Variants in KLF15 observed in about 807,000 individuals in gnomAD.
KLF15 encodes Krueppel-like factor 15.
In KLF15, 4 loss-of-function variants were observed where a neutral mutation model predicts 24.6. That is an observed-to-expected ratio of 0.16 (90% CI 0.08 to 0.37). The LOEUF is 0.37. Among genes scored for constraint, KLF15 ranks in the 10% least tolerant of loss-of-function variants. KLF15 has a pLI of 1.00. For synonymous variants in KLF15, 246 were observed against 236.3 expected (o/e 1.04, Z -0.37); for missense variants, 496 against 560.6 (o/e 0.88, Z 1.16).
chr3:126,299,782 C>A, the KLF15 span, among the ~76,000 whole-genome samples: 2 of 148,958 alleles, frequency 1.3e-5, no homozygotes, highest in African/African-American at 2.5e-5. Context: ...AAGGAGATGA[C>A]CACCCTGACA....
In KLF15 at chr3:126,352,280, C is replaced by T; in HGVS notation, c.643G>A (p.Gly215Ser). The T allele has an allele frequency of 1.9e-6, 3 of 1,541,990 alleles. No homozygotes were observed. Among genetic ancestry groups the T allele is most frequent in the Non-Finnish European group, 2.6e-6 (3 of 1,147,578 alleles). ...QGPGGGPTPD[G>S]PIPVLLQIQP... ...ATCTGCAGCAACACTGGGATGGGGC[C>T]ATCAGGCGTGGGGCCCCCACCTGGG... The change falls in exon 2 of 3, where the codon GGC (glycine) becomes AGC (serine). Residue 215 changes from glycine to serine, a missense_variant. Around this residue, in one of 3 missense-constraint regions of KLF15, gnomAD observed 399 missense variants for 423.1 expected, o/e 0.94. Coordinates refer to ENST00000296233, the MANE Select transcript of KLF15 (RefSeq NM_014079.4).
At chr3:126,338,261 G>T (rs983896817), downstream of KLF15, among the ~76,000 whole-genome samples, 2 of 152,212 alleles carry the variant, frequency 1.3e-5, no homozygotes, top group African/African-American at 4.8e-5. Flanking sequence ...TGGCACCAGG[G>T]TGTCCTCTGA....
rs2082636059 is a variant in KLF15, at chr3:126,356,800, C to T, written c.-26+437G>A. Among the ~76,000 whole-genome samples, 1 of 151,852 alleles carries T rather than the reference C, an allele frequency of 6.6e-6. No homozygotes were observed. Among genetic ancestry groups the T allele is most frequent in the Non-Finnish European group, 1.5e-5 (1 of 67,910 alleles). On this transcript the variant is annotated intron_variant, in intron 1 of 2. Transcript: ENST00000296233. The surrounding 1 kb of genome is among the most constrained non-coding windows in gnomAD (Gnocchi z 4.4). ...GGGCACCATGCCCTCGTCCCACGCCCCCCCCTTGCCCCCGACACTGCTGCG... is the reference window on the plus strand; with the variant it reads ...GGGCACCATGCCCTCGTCCCACGCCTCCCCCTTGCCCCCGACACTGCTGCG...
rs1053036874 is a variant in KLF15, at chr3:126,356,939, G to C, written c.-26+298C>G. Reference sequence around the variant, plus strand: ...GGCCGCGCCGGTGCCCACCATATGGGAGGGCCGGCCCGCAAGGCGCGCCAC... The same window carrying C: ...GGCCGCGCCGGTGCCCACCATATGGCAGGGCCGGCCCGCAAGGCGCGCCAC... On this transcript the variant is annotated intron_variant, in intron 1 of 2. Coordinates refer to ENST00000296233, the MANE Select transcript of KLF15 (RefSeq NM_014079.4). The surrounding 1 kb of genome is among the most constrained non-coding windows in gnomAD (Gnocchi z 4.4). Among the ~76,000 whole-genome samples the C allele has an allele frequency of 1.7e-4, 26 of 151,964 alleles. 1 individual carries two copies. Among genetic ancestry groups the C allele is most frequent in the Non-Finnish European group, 4.4e-5 (3 of 67,962 alleles).
chr3:126,292,524 G>A, the KLF15 span, among the ~76,000 whole-genome samples: 1 of 152,192 alleles, frequency 6.6e-6, no homozygotes, highest in Admixed American at 6.5e-5. Context: ...TTCTAGATTT[G>A]AGATACAAAA....
the KLF15 span, among the ~76,000 whole-genome samples, chr3:126,327,740 C>T: frequency 1.8e-3 from 274 of 152,186 alleles, 2 homozygotes; most frequent in African/African-American, 6.3e-3. Flanking sequence ...AAATTTTATG[C>T]GAGTTTGACC....
chr3:126,295,236 G>T, the KLF15 span, among the ~76,000 whole-genome samples: 1 of 152,076 alleles, frequency 6.6e-6, no homozygotes, highest in Non-Finnish European at 1.5e-5. Context: ...AACAATCACA[G>T]AAGACACAAA....
At position 126,351,990 on chromosome 3, in the gene KLF15, C is replaced by A. The variant is rs750849615; in HGVS notation, c.933G>T (p.Lys311Asn). The A allele has an allele frequency of 1.5e-5, 23 of 1,581,966 alleles. No individual in the cohort carries two copies. The highest frequency in any genetic ancestry group is 1.8e-5 in the Admixed American group (1 of 55,082). ...TTTTGATGAGTTCTGCGGCTGGGTT[C>A]TTGGGGAACTTCTGGCCCATGAGGA... ...AGLLMGQKFP[K>N]NPAAELIKMH... Residue 311 changes from lysine (K) to asparagine (N), a missense_variant, in exon 2 of 3, where the codon AAG becomes AAT. Physicochemically the swap from Lys to Asn is moderately conservative, Grantham distance 94. Around this residue, in one of 3 missense-constraint regions of KLF15, gnomAD observed 399 missense variants for 423.1 expected, o/e 0.94. Transcript: ENST00000296233.
the KLF15 span, among the ~76,000 whole-genome samples, chr3:126,335,677 A>G: frequency 7.0e-6 from 1 of 142,250 alleles, no homozygotes; most frequent in Non-Finnish European, 1.5e-5. Flanking sequence ...AGAAAACCCC[A>G]TCGTCTCAGC....
chr3:126,324,750 G>A, the KLF15 span, among the ~76,000 whole-genome samples: 28 of 44,854 alleles, frequency 6.2e-4, no homozygotes, highest in Admixed American at 1.2e-3. Context: ...CATTGGTGAT[G>A]TTAACTTTTT....
intron 2 of KLF15, among the ~76,000 whole-genome samples, chr3:126,350,897 T>C (rs2082577028): frequency 6.6e-6 from 1 of 152,064 alleles, no homozygotes; most frequent in South Asian, 2.1e-4. Context: ...CAGCAAAGAT[T>C]TGGAATGTGC....
At chr3:126,316,355 C>T in the KLF15 span, among the ~76,000 whole-genome samples, 1 of 149,188 alleles carries the variant, frequency 6.7e-6, no homozygotes, top group Non-Finnish European at 1.5e-5. Context: ...GAAGGGAGTG[C>T]ACAGGCCGGA....
At chr3:126,291,558 G>A in the KLF15 span, among the ~76,000 whole-genome samples, 5 of 152,364 alleles carry the variant, frequency 3.3e-5, no homozygotes, top group Middle Eastern at 6.8e-3. Flanking sequence ...AACTGCAAAC[G>A]AGTGTTCCTA....
chr3:126,345,553 T>C (rs1217148583), intron 2 of KLF15, among the ~76,000 whole-genome samples: 2 of 149,678 alleles, frequency 1.3e-5, no homozygotes, highest in African/African-American at 2.5e-5. Context: ...CCACACATAC[T>C]CACACACACA....
chr3:126,295,973 G>C, the KLF15 span, among the ~76,000 whole-genome samples: 1 of 152,094 alleles, frequency 6.6e-6, no homozygotes, highest in African/African-American at 2.4e-5. Flanking sequence ...ACTTGTCTGT[G>C]GTATATTCAT....
intron 2 of KLF15, among the ~76,000 whole-genome samples, chr3:126,349,673 C>T (rs2082566849): frequency 6.6e-6 from 1 of 152,198 alleles, no homozygotes; most frequent in Non-Finnish European, 1.5e-5. Flanking sequence ...CTCCCCATCA[C>T]CCTACCCAGC....
rs1255790186 is a variant in KLF15 at position 126,356,719 on chromosome 3, G to T, written c.-26+518C>A. Reference sequence around the variant, plus strand: ...CCGGCGGGTGAGGGGAAACGTGCGTGGGAAATGAAGAGAGCCGGCTCAGAC... The same window carrying T: ...CCGGCGGGTGAGGGGAAACGTGCGTTGGAAATGAAGAGAGCCGGCTCAGAC... On this transcript the variant is annotated intron_variant, in intron 1 of 2. Coordinates refer to ENST00000296233, the MANE Select transcript of KLF15 (RefSeq NM_014079.4). This position sits in a 1 kb window ranked among gnomAD's most constrained non-coding sequence, Gnocchi z 4.4. 2.0e-5 allele frequency among the ~76,000 whole-genome samples: 3 copies of T among 152,134 alleles called. No individual in the cohort carries two copies. The highest frequency in any genetic ancestry group is 7.2e-5 in the African/African-American group (3 of 41,444).
At chr3:126,332,470 A>G in the KLF15 span, among the ~76,000 whole-genome samples, 1 of 111,976 alleles carries the variant, frequency 8.9e-6, no homozygotes, top group African/African-American at 3.7e-5. Context: ...AAAGATGGGG[A>G]AAAAACAGAA....
the KLF15 span, among the ~76,000 whole-genome samples, chr3:126,316,400 G>A: frequency 6.6e-6 from 1 of 150,908 alleles, no homozygotes; most frequent in Non-Finnish European, 1.5e-5. Context: ...GAGCAGCGCT[G>A]GGCATCCATG....
Sources: gnomAD v4.1 joint callset for allele counts (sites outside exome capture counted in the v4.1 genomes callset) on GRCh38, gnomAD v4.1.1 for gene constraint, gnomAD v4.1.1 regional missense constraint, Gnocchi (gnomAD v3.1) non-coding constraint, MANE v1.5 for transcripts, NCBI Gene and HGNC (gene_info 2026-07-23, HGNC 2026-07-21) for gene names.